The following PLXNA2 variants were observed in gnomAD, a reference collection of about 807,000 sequenced individuals.
PLXNA2 encodes plexin-A2.
In PLXNA2, 91 loss-of-function variants were observed where a neutral mutation model predicts 193.5. The observed-to-expected ratio is 0.47, with a 90% CI of 0.40 to 0.56. The LOEUF is 0.56. Ranked by LOEUF, PLXNA2 falls within the 20% of genes least tolerant of loss-of-function variation. The pLI, the probability that PLXNA2 is intolerant of heterozygous loss-of-function variation, is 0.00. For missense variants in PLXNA2, 1,995 were observed against 2,503.2 expected (o/e 0.80, Z 4.33); for synonymous variants, 997 against 1,027.3 (o/e 0.97, Z 0.56).
In PLXNA2 at chr1:208,184,990, C is replaced by T. The variant is rs1039572693; in HGVS notation, c.1371+25290G>A. 2.6e-5 allele frequency among the ~76,000 whole-genome samples: 4 copies of T among 152,198 alleles called. No individual in the cohort carries two copies. In the South Asian group the frequency reaches 6.2e-4, roughly 24 times the overall value. On this transcript the variant is annotated intron_variant, in intron 3 of 31. Coordinates refer to ENST00000367033, the MANE Select transcript of PLXNA2 (RefSeq NM_025179.4). ...AAGCAAAAATGAATTTGGGGCCATT[C>T]TTCCCTTCTTTTAGGCATGGAGCAC...
intron 3 of PLXNA2, among the ~76,000 whole-genome samples, chr1:208,142,825 A>G (rs1020336254): frequency 1.3e-5 from 2 of 152,252 alleles, no homozygotes; most frequent in Non-Finnish European, 1.5e-5. Context: ...ACACTCCTTC[A>G]TGGTGGCTGG....
rs1042570836 is a variant in PLXNA2 at position 208,041,167 on chromosome 1, T to C, written c.4286+931A>G. On this transcript the variant is annotated intron_variant, in intron 22 of 31. Coordinates refer to ENST00000367033, the MANE Select transcript of PLXNA2 (RefSeq NM_025179.4). ...TTAATGAGAGTTTCTAATGCTCAGA[T>C]TGGCAGGATGGGGGCTCAGTACTCA... is the stretch of plus-strand genomic sequence containing the variant. Among the ~76,000 whole-genome samples, 10 of 152,188 alleles carry C rather than the reference T, an allele frequency of 6.6e-5. 1 individual carries two copies. The highest frequency in any genetic ancestry group is 6.5e-4 in the Admixed American group (10 of 15,274).
chr1:208,069,951 T>C (rs185366445), intron 12 of PLXNA2, among the ~76,000 whole-genome samples: 10 of 152,360 alleles, frequency 6.6e-5, no homozygotes, highest in Admixed American at 4.6e-4. Flanking sequence ...TGAGGTGTTA[T>C]TATCATTCCC....
chr1:208,105,349 C>G (rs764781277), intron 4 of PLXNA2, among the ~76,000 whole-genome samples: 1 of 152,230 alleles, frequency 6.6e-6, no homozygotes, highest in Non-Finnish European at 1.5e-5. Flanking sequence ...TCCAAAGGAA[C>G]GCCTATCACA....
intron 2 of PLXNA2, among the ~76,000 whole-genome samples, chr1:208,211,464 C>T (rs1012433259): frequency 1.3e-5 from 2 of 152,064 alleles, no homozygotes; most frequent in South Asian, 2.1e-4. Flanking sequence ...GAGGCCAAGG[C>T]GGGCAGTTCA....
intron 3 of PLXNA2, among the ~76,000 whole-genome samples, chr1:208,165,912 T>G (rs1452332636): frequency 6.6e-6 from 1 of 152,152 alleles, no homozygotes; most frequent in Non-Finnish European, 1.5e-5. Flanking sequence ...ACTGTACTCC[T>G]CCCTCCTGCT....
chr1:208,133,907 T>C (rs987185314), intron 4 of PLXNA2, among the ~76,000 whole-genome samples: 2 of 152,186 alleles, frequency 1.3e-5, no homozygotes, highest in Admixed American at 1.3e-4. Flanking sequence ...TAAGTTTCCT[T>C]CTGGTGAGAC....
intron 3 of PLXNA2, among the ~76,000 whole-genome samples, chr1:208,209,353 A>G (rs1436260317): frequency 1.3e-5 from 2 of 152,206 alleles, no homozygotes; most frequent in Non-Finnish European, 2.9e-5. Context: ...ATTAGGAGGA[A>G]AGAGCTCCAG....
intron 4 of PLXNA2, among the ~76,000 whole-genome samples, chr1:208,114,391 C>T (rs6669594): frequency 0.96 from 145,657 of 152,312 alleles, 69,997 homozygotes; most frequent in East Asian, 1. Flanking sequence ...TGGTATGACA[C>T]AGAATCAGAT....
intron 29 of PLXNA2, chr1:208,029,939 G>A: frequency 1.0e-6 from 1 of 985,516 alleles, no homozygotes. Context: ...TCCTGTCACA[G>A]GCTTGTCCTC....
At chr1:208,161,592 C>T (rs981077975) in intron 3 of PLXNA2, among the ~76,000 whole-genome samples, 1 of 152,164 alleles carries the variant, frequency 6.6e-6, no homozygotes, top group Non-Finnish European at 1.5e-5. Context: ...GGCCAAGGCT[C>T]TGTCCTATGG....
intron 26 of PLXNA2, among the ~76,000 whole-genome samples, chr1:208,037,809 T>C (rs677984): frequency 0.96 from 146,143 of 152,018 alleles, 70,534 homozygotes; most frequent in East Asian, 1. Context: ...GAATCTATTC[T>C]ATACAACTGT....
intron 3 of PLXNA2, among the ~76,000 whole-genome samples, chr1:208,184,414 C>T: frequency 6.6e-6 from 1 of 150,748 alleles, no homozygotes; most frequent in East Asian, 1.9e-4. Context: ...CCTTCTCCAC[C>T]CCCTGCTTAA....
intron 12 of PLXNA2, among the ~76,000 whole-genome samples, chr1:208,074,920 A>G (rs1364540392): frequency 6.6e-6 from 1 of 152,236 alleles, no homozygotes; most frequent in Non-Finnish European, 1.5e-5. Flanking sequence ...GGAGGTCTGC[A>G]TCAAAGGGTA....
rs1671843529 is a variant in PLXNA2 at position 208,236,143 on chromosome 1, C to T, written c.-81+7500G>A. ...AGCTTTGCTGACTCACGAGGGGCCT[C>T]CTGCCTGTGGACGGGGAAGGAGCCT... On this transcript the variant is annotated intron_variant, in intron 1 of 31. Transcript: ENST00000367033. The surrounding 1 kb of genome is among the most constrained non-coding windows in gnomAD (Gnocchi z 4.4). Among the ~76,000 whole-genome samples, 1 of 152,160 alleles carries T rather than the reference C, an allele frequency of 6.6e-6. No homozygotes were observed. Among genetic ancestry groups the T allele is most frequent in the South Asian group, 2.1e-4 (1 of 4,826 alleles).
At chr1:208,041,229 G>T (rs879600624) in intron 22 of PLXNA2, among the ~76,000 whole-genome samples, 2 of 152,160 alleles carry the variant, frequency 1.3e-5, no homozygotes, top group Non-Finnish European at 2.9e-5. Flanking sequence ...CTCACCCCAC[G>T]TGGGGCCTGG....
chr1:208,042,000 T>G (rs1571852960), intron 22 of PLXNA2, 98 bp downstream of exon 22: 1 of 1,272,962 alleles, frequency 7.9e-7, no homozygotes, highest in Non-Finnish European at 1.1e-6. Context: ...TTCTGGGGAG[T>G]GGGCCTTCTC....
intron 27 of PLXNA2, among the ~76,000 whole-genome samples, 182 bp from the exon 28 acceptor site, chr1:208,033,691 C>T (rs371007034): frequency 1.1e-4 from 16 of 152,248 alleles, no homozygotes; most frequent in Middle Eastern, 6.8e-3. Flanking sequence ...GGCATGAGGA[C>T]GGAAGAGCTT....
At chr1:208,034,341 G>A in intron 27 of PLXNA2, 152 bp downstream of exon 27, 1 of 601,860 alleles carries the variant, frequency 1.7e-6, no homozygotes, top group Non-Finnish European at 3.0e-6. Flanking sequence ...GGGAATGCCT[G>A]GACTAGGGAG....
Sources: allele counts gnomAD v4.1 joint callset (sites outside exome capture counted in the v4.1 genomes callset), GRCh38; gene constraint gnomAD v4.1.1; non-coding constraint Gnocchi (gnomAD v3.1); transcripts MANE v1.5; gene names NCBI Gene and HGNC (gene_info 2026-07-23, HGNC 2026-07-21).